SYNJ1: variants seen among roughly 807,000 people sequenced by gnomAD.
SYNJ1 encodes polyphosphatidylinositol phosphatase SYNJ1.
Under a neutral mutation model 168.2 loss-of-function variants are expected in SYNJ1, and 78 were observed. The ratio of observed to expected loss-of-function variants is 0.46; its 90% CI spans 0.39 to 0.56. The LOEUF is 0.56. Among genes scored for constraint, SYNJ1 ranks in the 20% least tolerant of loss-of-function variants. The probability of loss-of-function intolerance (pLI) is 0.00; values close to 1 mark genes in which losing one functional copy is unlikely to be tolerated. For missense variants in SYNJ1, 1,303 were observed against 1,597.6 expected, an observed-to-expected ratio of 0.82 and a Z score of 3.14; for synonymous variants, 539 against 548.6, an observed-to-expected ratio of 0.98 and a Z score of 0.24.
chr21:32,640,306 GT>G (rs1425475330), intron 29 of SYNJ1, among the ~76,000 whole-genome samples: 2 of 150,204 alleles, frequency 1.3e-5, no homozygotes, highest in African/African-American at 2.4e-5. Context: ...TTTTTTTTTG[GT>G]TTTTTTTTGA....
chr21:32,639,014 G>C lies in SYNJ1; in HGVS notation c.3809C>G (p.Pro1270Arg). 6.2e-7 allele frequency: 1 copy of C among 1,614,150 alleles called. No homozygotes were observed. The highest frequency in any genetic ancestry group is 1.1e-5 in the South Asian group (1 of 91,078). The change falls in exon 31 of 33, where the codon CCT becomes CGT. Residue 1270 changes from proline to arginine, a missense_variant. Transcript: ENST00000674351. The stretch of plus-strand genomic sequence containing the variant: ...TGGCTGGGGGCCAGACTGAGGCATA[G>C]GTGCTGCCACAGGGACAAGAGGCTC... Reference protein sequence around the residue: ...LQEPLVPVAAPMPQSGPQPNL... With the variant: ...LQEPLVPVAARMPQSGPQPNL...
At chr21:32,728,176 C>T, upstream of SYNJ1, 5 of 1,072,252 alleles carry the variant, frequency 4.7e-6, no homozygotes, top group Non-Finnish European at 6.4e-6. Context: ...TCTCCAGCTA[C>T]CTTTGCCTCC....
intron 4 of SYNJ1, 128 bp from the exon 5 acceptor site, chr21:32,695,410 AT>A: frequency 1.1e-6 from 1 of 871,238 alleles, no homozygotes; most frequent in Non-Finnish European, 1.7e-6. Context: ...AAATCAATTC[AT>A]TTACATTTAC....
At chr21:32,689,593 C>T (rs575579043) in intron 6 of SYNJ1, among the ~76,000 whole-genome samples, 115 of 152,328 alleles carry the variant, frequency 7.5e-4, no homozygotes, top group African/African-American at 2.5e-3. Context: ...CCGCGCCCCG[C>T]GCAAAGTGCT....
chr21:32,700,222 G>C, intron 3 of SYNJ1, 117 bp from the exon 4 acceptor site: 1 of 1,206,756 alleles, frequency 8.3e-7, no homozygotes, highest in Non-Finnish European at 1.1e-6. Context: ...ACTTATCATG[G>C]ATGTGTTGAA....
At chr21:32,668,507 TAATC>T (rs1263076370) in intron 15 of SYNJ1, among the ~76,000 whole-genome samples, 1 of 152,220 alleles carries the variant, frequency 6.6e-6, no homozygotes, top group Non-Finnish European at 1.5e-5. Flanking sequence ...TCAGGAAACA[TAATC>T]AAACAACAAA....
In SYNJ1 at chr21:32,681,559, G is replaced by A. The variant is rs919941488; in HGVS notation, c.1290C>T (p.Ser430=). ...TCTTACTGATTGAATCACCATTCAC[G>A]GACCACATTGACCGAAAAACTTCTT... The part of the protein sequence containing the change: ...RFQEVFRSMW[S]VNGDSISKIY... Residue 430 remains serine (S), a synonymous_variant, in exon 11 of 33, where the codon TCC becomes TCT. Coordinates refer to ENST00000674351, the MANE Select transcript of SYNJ1 (RefSeq NM_203446.3). 6 of 1,613,626 alleles carry A rather than the reference G, an allele frequency of 3.7e-6. No homozygotes were observed. Among genetic ancestry groups the A allele is most frequent in the Middle Eastern group, 1.6e-4 (1 of 6,080 alleles).
chr21:32,699,577 A>C (rs924638288), intron 4 of SYNJ1, among the ~76,000 whole-genome samples: 17 of 152,060 alleles, frequency 1.1e-4, no homozygotes, highest in African/African-American at 4.1e-4. Context: ...CATTCTTTCC[A>C]ACACGTATAC....
intron 15 of SYNJ1, among the ~76,000 whole-genome samples, chr21:32,670,018 G>A (rs895719561): frequency 6.6e-6 from 1 of 152,070 alleles, no homozygotes; most frequent in African/African-American, 2.4e-5. Context: ...TTGTTTTTAA[G>A]TGAATTAAAT....
chr21:32,721,686 A>G (rs539898352), intron 2 of SYNJ1, among the ~76,000 whole-genome samples: 1 of 152,222 alleles, frequency 6.6e-6, no homozygotes, highest in African/African-American at 2.4e-5. Context: ...CTTGGAAAAA[A>G]AAAAAAAGTA....
chr21:32,724,262 C>T (rs949656986), intron 2 of SYNJ1, among the ~76,000 whole-genome samples: 6 of 152,072 alleles, frequency 3.9e-5, no homozygotes, highest in Non-Finnish European at 7.4e-5. Context: ...CTGAGGCAGG[C>T]GAATCACCTG....
At chr21:32,634,840 G>A in intron 32 of SYNJ1, 21 bp downstream of exon 32, 1 of 1,613,128 alleles carries the variant, frequency 6.2e-7, no homozygotes, top group East Asian at 2.2e-5. Context: ...ACACATGTAA[G>A]ATTGATAAAT....
intron 32 of SYNJ1, among the ~76,000 whole-genome samples, chr21:32,633,638 T>C (rs986541597): frequency 2.0e-5 from 3 of 152,298 alleles, no homozygotes; most frequent in African/African-American, 4.8e-5. Context: ...TCATGAAATA[T>C]ATTGGAAAAA....
intron 15 of SYNJ1, 82 bp downstream of exon 15, chr21:32,670,206 T>G: frequency 8.9e-7 from 1 of 1,121,796 alleles, no homozygotes. Context: ...CAAACTATCC[T>G]TGTAACAATT....
chr21:32,690,923 G>A (rs897355013), intron 6 of SYNJ1, among the ~76,000 whole-genome samples: 8 of 151,456 alleles, frequency 5.3e-5, no homozygotes, highest in African/African-American at 1.9e-4. Context: ...TCCAACTTGG[G>A]GGAAAAAAAA....
chr21:32,727,858 G>A (rs976970891), intron 1 of SYNJ1, 88 bp downstream of exon 1: 102 of 1,514,156 alleles, frequency 6.7e-5, no homozygotes, highest in South Asian at 2.6e-4. Context: ...ACGCTGCGGA[G>A]GCAGAGACTG....
intron 25 of SYNJ1, 74 bp downstream of exon 25, chr21:32,645,572 G>A (rs1197219478): frequency 7.0e-6 from 10 of 1,427,902 alleles, no homozygotes; most frequent in African/African-American, 1.5e-5. Flanking sequence ...CTAGAGATTG[G>A]AAAACATGCA....
At chr21:32,670,241 T>G (rs368199675) in intron 15 of SYNJ1, 47 bp downstream of exon 15, 1 of 1,503,016 alleles carries the variant, frequency 6.7e-7, no homozygotes, top group Non-Finnish European at 9.2e-7. Context: ...CCTCCATAGT[T>G]TCCCTCAACT....
In SYNJ1 at chr21:32,726,857, C is replaced by T; in HGVS notation, c.39G>A (p.Leu13=). 6.2e-7 allele frequency: 1 copy of T among 1,614,112 alleles called. No homozygotes were observed. Among genetic ancestry groups the T allele is most frequent in the Non-Finnish European group, 8.5e-7 (1 of 1,180,022 alleles). Residue 13 remains leucine, a synonymous_variant, in exon 2 of 33, where the codon TTG becomes TTA. Transcript: ENST00000674351. The stretch of plus-strand genomic sequence containing the variant: ...CTATGAGGCTGAAAGGTGGGGGATC[C>T]AATTTGTGATAGATCCGGAATCCTT... The part of the protein sequence containing the change: ...FSKGFRIYHK[L]DPPPFSLIVE...
Sources: gnomAD v4.1 joint callset for allele counts (sites outside exome capture counted in the v4.1 genomes callset) on GRCh38, gnomAD v4.1.1 for gene constraint, MANE v1.5 for transcripts, NCBI Gene and HGNC (gene_info 2026-07-23, HGNC 2026-07-21) for gene names.